The following CCDC181 variants were observed in gnomAD, a reference collection of about 807,000 sequenced individuals.
CCDC181 encodes the protein coiled-coil domain containing 181, also known as coiled-coil domain-containing protein 181.
Under a neutral mutation model 58.7 loss-of-function variants are expected in CCDC181, and 35 were observed. The ratio of observed to expected loss-of-function variants is 0.60; its 90% CI spans 0.46 to 0.79. The LOEUF (loss-of-function observed/expected upper bound fraction) is 0.79, where lower values mean the gene tolerates loss of function less well. Ranked by LOEUF, CCDC181 falls within the 30% of genes least tolerant of loss-of-function variation. The probability of loss-of-function intolerance (pLI) is 0.00; values close to 1 mark genes in which losing one functional copy is unlikely to be tolerated. For synonymous variants in CCDC181, 183 were observed against 197.5 expected (o/e 0.93, Z 0.62); for missense variants, 517 against 583.9 (o/e 0.89, Z 1.18).
chr1:169,420,182 G>A (rs2102087448), intron 3 of CCDC181, among the ~76,000 whole-genome samples: 1 of 152,278 alleles, frequency 6.6e-6, no homozygotes, highest in South Asian at 2.1e-4. Flanking sequence ...ACACATTTGT[G>A]TATAGCAAAC....
At chr1:169,441,913 T>G (rs1657239305) in intron 2 of CCDC181, among the ~76,000 whole-genome samples, 1 of 152,068 alleles carries the variant, frequency 6.6e-6, no homozygotes, top group Non-Finnish European at 1.5e-5. Flanking sequence ...ATGTGCATAG[T>G]CTGAAATATG....
At chr1:169,438,681 T>A (rs1657121944) in intron 2 of CCDC181, among the ~76,000 whole-genome samples, 1 of 152,148 alleles carries the variant, frequency 6.6e-6, no homozygotes, top group South Asian at 2.1e-4. Context: ...TGGGAAGGGA[T>A]CACCTCCAGA....
intron 4 of CCDC181, among the ~76,000 whole-genome samples, chr1:169,412,015 G>C (rs1252863429): frequency 1.3e-5 from 2 of 152,184 alleles, no homozygotes; most frequent in Admixed American, 1.3e-4. Flanking sequence ...CATAGTATTG[G>C]AAGTTCTGGC....
chr1:169,419,063 C>T lies in CCDC181; in HGVS notation c.1165G>A (p.Glu389Lys), dbSNP rs982748204. ...TTTGCTCGCTGAATTCTCCTCATTT[C>T]TAAGACCTGCTCTCTTTTCTTTTGC... ...WLQKKREQVL[E>K]MRRIQRAKEI... The change falls in exon 4 of 6, where the codon GAA becomes AAA. Residue 389 changes from glutamate (E) to lysine (K), a missense_variant. By Grantham distance (56) the Glu-to-Lys change is moderately conservative. Transcript: ENST00000367806. 2.5e-6 allele frequency: 4 copies of T among 1,613,636 alleles called. No individual in the cohort carries two copies. In the African/African-American group the frequency reaches 4.0e-5, roughly 16 times the overall value.
In CCDC181 at chr1:169,424,943, G is replaced by C; in HGVS notation, c.-16C>G. The C allele has an allele frequency of 7.0e-7, 1 of 1,424,834 alleles. No individual in the cohort carries two copies. The highest frequency in any genetic ancestry group is 2.3e-5 in the East Asian group (1 of 43,754). 88.3% of individuals were successfully genotyped at this position (1,424,834 alleles called of 1,614,324 possible). On this transcript the variant is annotated 5_prime_UTR_variant, in exon 2 of 6. Transcript: ENST00000367806. ...TTTCATTCATTTTCTGTTTGTGAAGGAAATATGCTGTAAGATTTTAAAAGA... is the reference window on the plus strand; with the variant it reads ...TTTCATTCATTTTCTGTTTGTGAAGCAAATATGCTGTAAGATTTTAAAAGA...
intron 2 of CCDC181, among the ~76,000 whole-genome samples, chr1:169,443,681 T>C (rs1657293565): frequency 6.6e-6 from 1 of 152,086 alleles, no homozygotes; most frequent in Non-Finnish European, 1.5e-5. Flanking sequence ...GACAAAAATA[T>C]TTAACATCAA....
intron 5 of CCDC181, 116 bp downstream of exon 5, chr1:169,397,121 C>T (rs190130977): frequency 5.0e-5 from 39 of 784,594 alleles, no homozygotes; most frequent in African/African-American, 3.6e-4. Flanking sequence ...TGAATAGGTA[C>T]GTGCTGTAAG....
At position 169,435,650 on chromosome 1, in the gene CCDC181, G is replaced by A. The variant is rs1657038253; in HGVS notation, c.-23-10700C>T. 3.3e-5 allele frequency among the ~76,000 whole-genome samples: 5 copies of A among 152,136 alleles called. No individual in the cohort carries two copies. In the South Asian group the frequency reaches 1.0e-3, roughly 31 times the overall value. On this transcript the variant is annotated intron_variant, in intron 2 of 6. Coordinates refer to the CCDC181 transcript ENST00000545005. ...CCATGTACTTAGCCCAGTGCCTGATGCATACAAAGTGCTTAACAGGGACTA... is the reference window on the plus strand; with the variant it reads ...CCATGTACTTAGCCCAGTGCCTGATACATACAAAGTGCTTAACAGGGACTA...
Position 169,423,980 on chromosome 1 carries a change from T to G in CCDC181, c.117+831A>C, listed in dbSNP as rs1292828543. On this transcript the variant is annotated intron_variant, in intron 2 of 5. Coordinates refer to ENST00000367806, the MANE Select transcript of CCDC181 (RefSeq NM_001300969.2). ...TAAAACCTGCATTTCCTCATAGTCT[T>G]TTCCTTAACACCTTTAAAACTGGCT... Among the ~76,000 whole-genome samples, 4 of 151,986 alleles carry G rather than the reference T, an allele frequency of 2.6e-5. No individual in the cohort carries two copies. In the South Asian group the frequency reaches 8.3e-4, roughly 31 times the overall value.
At chr1:169,430,975 G>A (rs550580616), upstream of CCDC181, among the ~76,000 whole-genome samples, 14 of 152,276 alleles carry the variant, frequency 9.2e-5, no homozygotes, top group East Asian at 2.7e-3. Context: ...ACACTCCTAT[G>A]CTCTTTGCAA....
intron 2 of CCDC181, 135 bp downstream of exon 2, chr1:169,424,676 G>T: frequency 1.9e-6 from 1 of 513,994 alleles, no homozygotes; most frequent in Non-Finnish European, 3.5e-6. Flanking sequence ...TCTTTAAGAT[G>T]AGGATAATAG....
chr1:169,447,574 T>G (rs932770173), intron 2 of CCDC181, among the ~76,000 whole-genome samples: 2 of 152,216 alleles, frequency 1.3e-5, no homozygotes, highest in African/African-American at 4.8e-5. Context: ...TCAGGTCAAC[T>G]ATATCCTTAC....
At chr1:169,423,756 T>C (rs2102097986) in intron 2 of CCDC181, among the ~76,000 whole-genome samples, 1 of 152,106 alleles carries the variant, frequency 6.6e-6, no homozygotes, top group East Asian at 1.9e-4. Flanking sequence ...TCTTGAGAAA[T>C]TGGTTCAACC....
intron 5 of CCDC181, chr1:169,395,880 T>G (rs1189356655): frequency 2.2e-5 from 3 of 134,962 alleles, no homozygotes; most frequent in African/African-American, 7.8e-5. Context: ...GTTTTGTTGT[T>G]TTTTTTTTTT....
At chr1:169,408,284 G>A (rs1655781248) in intron 4 of CCDC181, among the ~76,000 whole-genome samples, 2 of 152,208 alleles carry the variant, frequency 1.3e-5, no homozygotes, top group African/African-American at 4.8e-5. Context: ...TCCCCTCACA[G>A]CCAGGAAGTT....
At chr1:169,395,256 T>C (rs1654951222) in intron 5 of CCDC181, 50 bp from the exon 6 acceptor site, 1 of 1,473,306 alleles carries the variant, frequency 6.8e-7, no homozygotes, top group Non-Finnish European at 9.1e-7. Context: ...CTGAATACAC[T>C]CTTCATGCTA....
chr1:169,428,269 G>C (rs1391501976), upstream of CCDC181, among the ~76,000 whole-genome samples: 1 of 152,092 alleles, frequency 6.6e-6, no homozygotes, highest in Non-Finnish European at 1.5e-5. Context: ...TGGTGTAGTT[G>C]TAATGACCTA....
At chr1:169,398,633 T>G (rs34640648) in intron 4 of CCDC181, among the ~76,000 whole-genome samples, 1 of 152,158 alleles carries the variant, frequency 6.6e-6, no homozygotes, top group African/African-American at 2.4e-5. Flanking sequence ...AGTGGCTATT[T>G]AAATAAAATT....
chr1:169,446,511 C>G (rs1008239620), intron 2 of CCDC181, among the ~76,000 whole-genome samples: 1 of 152,156 alleles, frequency 6.6e-6, no homozygotes, highest in South Asian at 2.1e-4. Flanking sequence ...TCTTAGATTA[C>G]TGGCTTTGAA....
Sources: gnomAD v4.1 joint callset for allele counts (sites outside exome capture counted in the v4.1 genomes callset) on GRCh38, gnomAD v4.1.1 for gene constraint, MANE v1.5 for transcripts, NCBI Gene and HGNC (gene_info 2026-07-23, HGNC 2026-07-21) for gene names.